The following LYST variants were observed in gnomAD, a reference collection of about 807,000 sequenced individuals.
The protein encoded by LYST is lysosomal trafficking regulator.
LYST carries 192 observed loss-of-function variants against 413.6 expected under a neutral mutation model. The ratio of observed to expected loss-of-function variants is 0.46; its 90% CI spans 0.41 to 0.52. The LOEUF (loss-of-function observed/expected upper bound fraction) is 0.52. Ranked by LOEUF, LYST falls within the 20% of genes least tolerant of loss-of-function variation. The pLI is 0.00. For missense variants in LYST, 3,815 were observed against 4,499.9 expected, an observed-to-expected ratio of 0.85 and a Z score of 4.35; for synonymous variants, 1,525 against 1,567.3, an observed-to-expected ratio of 0.97 and a Z score of 0.64.
chr1:235,695,136 ACAGGC>A (rs1660985950), intron 46 of LYST, among the ~76,000 whole-genome samples: 1 of 152,238 alleles, frequency 6.6e-6, no homozygotes, highest in East Asian at 1.9e-4. Context: ...TAGGGTATTT[ACAGGC>A]CAATAAGCAT....
chr1:235,831,107 T>C (rs1348960026), intron 2 of LYST, among the ~76,000 whole-genome samples: 2 of 152,184 alleles, frequency 1.3e-5, no homozygotes, highest in Non-Finnish European at 2.9e-5. Flanking sequence ...AGTTTCAAAA[T>C]AGTTTCATCT....
chr1:235,826,592 T>G (rs749568274), intron 3 of LYST, among the ~76,000 whole-genome samples: 28 of 152,062 alleles, frequency 1.8e-4, no homozygotes, highest in Non-Finnish European at 3.4e-4. Context: ...AGGGACTGAC[T>G]GAAAAAAAAG....
At chr1:235,726,991 C>G (rs1663939656) in intron 38 of LYST, among the ~76,000 whole-genome samples, 2 of 152,168 alleles carry the variant, frequency 1.3e-5, no homozygotes, top group Admixed American at 6.5e-5. Context: ...GGGACATACC[C>G]TGTGGTAATT....
At position 235,751,232 on chromosome 1, in the gene LYST, A is replaced by C. The variant is rs758049109; in HGVS notation, c.7758T>G (p.Val2586=). 3.7e-6 allele frequency: 6 copies of C among 1,613,856 alleles called. No individual in the cohort carries two copies. The Admixed American group carries it at 1.0e-4, about 27-fold the overall frequency. Residue 2586 remains valine (V), a synonymous_variant, in exon 28 of 53, where the codon GTT becomes GTG. Transcript: ENST00000389793. ...QSPSAPHHAV[V]QKRKSIAGPR... is the part of the protein sequence containing the mutation. Reference sequence around the variant, plus strand: ...CGCCAGCAATGCTTTTCCGCTTTTGAACTACTGCATGATGGGGAGCAGAAG... The same window carrying C: ...CGCCAGCAATGCTTTTCCGCTTTTGCACTACTGCATGATGGGGAGCAGAAG...
In LYST at chr1:235,798,532, C is replaced by T. The variant is rs377732986; in HGVS notation, c.4006+1788G>A. On this transcript the variant is annotated intron_variant, in intron 10 of 52. Coordinates refer to ENST00000389793, the MANE Select transcript of LYST (RefSeq NM_000081.4). The stretch of plus-strand genomic sequence containing the variant: ...GGTGGAGGTTGCAGTGAGCTGAGAT[C>T]GCACCACTGCACTCCAGCCTTGGCG... Among the ~76,000 whole-genome samples, 7 of 126,320 alleles carry T rather than the reference C, an allele frequency of 5.5e-5. No individual in the cohort carries two copies. In the Admixed American group the frequency reaches 6.7e-4, roughly 12 times the overall value. The allele number at this position is 126,320 out of a possible 152,430, so 82.9% of individuals were successfully genotyped here.
intron 10 of LYST, among the ~76,000 whole-genome samples, chr1:235,794,791 C>G (rs950206813): frequency 2.6e-5 from 4 of 152,082 alleles, no homozygotes; most frequent in African/African-American, 9.7e-5. Flanking sequence ...TAACATGAAT[C>G]CATTAAAGGT....
Position 235,800,938 on chromosome 1 carries a change from T to A in LYST, c.3872A>T (p.His1291Leu). Residue 1291 changes from histidine to leucine, a missense_variant, in exon 9 of 53, where the codon CAT becomes CTT. Transcript: ENST00000389793. ...ASKAKLDVLAHVFESFLKIIR... is the reference protein window; with the variant it reads ...ASKAKLDVLALVFESFLKIIR... ...AATTTTCAAAAAACTCTCAAATACA[T>A]GGGCAAGCACATCAAGTTTGGCTTT... The A allele has an allele frequency of 6.2e-7, 1 of 1,613,822 alleles. No individual in the cohort carries two copies. The highest frequency in any genetic ancestry group is 1.3e-5 in the African/African-American group (1 of 75,026).
At chr1:235,723,853 T>A (rs960641715) in intron 39 of LYST, among the ~76,000 whole-genome samples, 175 bp downstream of exon 39, 1 of 152,202 alleles carries the variant, frequency 6.6e-6, no homozygotes, top group Non-Finnish European at 1.5e-5. Flanking sequence ...AGAATTTACC[T>A]CACTGTGGAG....
At chr1:235,719,668 C>T (rs1392732517) in intron 40 of LYST, among the ~76,000 whole-genome samples, 1 of 150,826 alleles carries the variant, frequency 6.6e-6, no homozygotes, top group African/African-American at 2.4e-5. Context: ...GCTCACATCA[C>T]CACCTATAAA....
chr1:235,842,457 T>C, intron 1 of LYST, among the ~76,000 whole-genome samples: 1 of 152,180 alleles, frequency 6.6e-6, no homozygotes, highest in East Asian at 1.9e-4. Flanking sequence ...GAAGCTAGTA[T>C]TTTTGGACAA....
chr1:235,766,074 C>T lies in LYST; in HGVS notation c.6121+5G>A, dbSNP rs1334935722. ...CCATGATCTAACAAAAATGATTATA[C>T]CTACCTATGTGCAAAGAAAAGTAGA... On this transcript the variant is annotated splice_donor_5th_base_variant and intron_variant, in intron 21 of 52. Transcript: ENST00000389793. 5.6e-6 allele frequency: 9 copies of T among 1,603,834 alleles called. No individual in the cohort carries two copies. Among genetic ancestry groups the T allele is most frequent in the Non-Finnish European group, 7.7e-6 (9 of 1,170,876 alleles).
intron 1 of LYST, among the ~76,000 whole-genome samples, chr1:235,848,530 C>A (rs1332558987): frequency 6.6e-6 from 1 of 151,332 alleles, no homozygotes. Context: ...AAGATCAGAG[C>A]AAAACTAAAT....
In LYST at chr1:235,879,740, C is replaced by CT. The variant is rs66680369; in HGVS notation, n.454+3446dup. Among the ~76,000 whole-genome samples the CT allele has an allele frequency of 4.8e-3, 701 of 146,300 alleles. 9 individuals carry two copies. The highest frequency in any genetic ancestry group is 0.014 in the African/African-American group (547 of 39,906). On this transcript the variant is annotated intron_variant and non_coding_transcript_variant, in intron 1 of 11. Coordinates refer to the LYST transcript ENST00000465349. ...TGGATCTAACTTCCTTTCTTTCTTT[C>CT]TTTTTTTTTTTTTTGAGACGGAGTC...
intron 48 of LYST, among the ~76,000 whole-genome samples, chr1:235,680,282 G>T (rs2103042411): frequency 6.6e-6 from 1 of 152,204 alleles, no homozygotes; most frequent in East Asian, 1.9e-4. Flanking sequence ...TTGAGACAGG[G>T]TCTCACTCCG....
At chr1:235,816,464 T>TA (rs1189960579) in intron 3 of LYST, among the ~76,000 whole-genome samples, 1,585 of 105,008 alleles carry the variant, frequency 0.015, 30 homozygotes, top group African/African-American at 0.067. Flanking sequence ...AAATAAAAAA[T>TA]AAAAATAAAA....
At chr1:235,689,608 T>G (rs1339448400) in intron 47 of LYST, among the ~76,000 whole-genome samples, 5 of 152,216 alleles carry the variant, frequency 3.3e-5, no homozygotes, top group African/African-American at 9.6e-5. Flanking sequence ...AATAATACTG[T>G]GTTGTATTCT....
intron 1 of LYST, among the ~76,000 whole-genome samples, chr1:235,859,061 T>C (rs1261310962): frequency 1.3e-5 from 2 of 152,218 alleles, no homozygotes; most frequent in South Asian, 2.1e-4. Flanking sequence ...CCCATGTTCT[T>C]CCTTCTCAAT....
intron 45 of LYST, among the ~76,000 whole-genome samples, chr1:235,699,103 C>CCT (rs1553267964): frequency 1.8e-4 from 28 of 151,872 alleles, no homozygotes; most frequent in African/African-American, 6.5e-4. Context: ...ATTCTCCTTT[C>CCT]TTTTTTTTAC....
chr1:235,801,416 C>A (rs1347661471), intron 8 of LYST, among the ~76,000 whole-genome samples: 1 of 142,786 alleles, frequency 7.0e-6, no homozygotes, highest in Non-Finnish European at 1.5e-5. Flanking sequence ...AACTTTCTGA[C>A]CCCCCCCTCA....
Sources: allele counts gnomAD v4.1 joint callset (sites outside exome capture counted in the v4.1 genomes callset), GRCh38; gene constraint gnomAD v4.1.1; transcripts MANE v1.5; gene names NCBI Gene and HGNC (gene_info 2026-07-23, HGNC 2026-07-21).